CDH1: variants seen among roughly 807,000 people sequenced by gnomAD.
CDH1 encodes the protein cadherin-1.
In CDH1, 35 loss-of-function variants were observed where a neutral mutation model predicts 84.5. The observed-to-expected ratio is 0.41, with a 90% CI of 0.32 to 0.55. CDH1 has a LOEUF of 0.55. Among genes scored for constraint, CDH1 ranks in the 20% least tolerant of loss-of-function variants. The probability of loss-of-function intolerance (pLI) is 0.19; values close to 1 mark genes in which losing one functional copy is unlikely to be tolerated. For missense variants in CDH1, 994 were observed against 1,126.6 expected (o/e 0.88, Z 1.68); for synonymous variants, 417 against 439.0 (o/e 0.95, Z 0.63).
chr16:68,829,936 C>T (rs370691763), intron 15 of CDH1, 139 bp downstream of exon 15: 8 of 806,214 alleles, frequency 9.9e-6, no homozygotes, highest in Admixed American at 2.8e-5. Context: ...GCCCTGTTTT[C>T]CTTTTTCTTT....
intron 15 of CDH1, among the ~76,000 whole-genome samples, chr16:68,831,848 T>C (rs1473142887): frequency 6.6e-6 from 1 of 152,112 alleles, no homozygotes; most frequent in Admixed American, 6.5e-5. Flanking sequence ...TACAGACCCC[T>C]TTTAGATACA....
chr16:68,757,665 T>C (rs1438965921), intron 2 of CDH1, among the ~76,000 whole-genome samples: 1 of 152,172 alleles, frequency 6.6e-6, no homozygotes, highest in African/African-American at 2.4e-5. Flanking sequence ...TGCAGCAGGA[T>C]TGCCTGGATT....
intron 2 of CDH1, among the ~76,000 whole-genome samples, chr16:68,756,450 C>T (rs1963021694): frequency 6.6e-6 from 1 of 152,154 alleles, no homozygotes; most frequent in South Asian, 2.1e-4. Flanking sequence ...GTTGAATCAG[C>T]GGTGACATCA....
At chr16:68,806,972 A>T (rs1296232856) in intron 3 of CDH1, among the ~76,000 whole-genome samples, 2 of 152,226 alleles carry the variant, frequency 1.3e-5, no homozygotes, top group Non-Finnish European at 2.9e-5. Context: ...GCCAGAAAAT[A>T]GAGCTGAACT....
intron 2 of CDH1, among the ~76,000 whole-genome samples, chr16:68,768,786 T>G (rs1184579054): frequency 2.0e-5 from 3 of 152,132 alleles, no homozygotes; most frequent in Non-Finnish European, 2.9e-5. Flanking sequence ...AGAAGTAAGG[T>G]CTCTATTATT....
chr16:68,829,927 C>A, intron 15 of CDH1, 130 bp downstream of exon 15: 1 of 887,964 alleles, frequency 1.1e-6, no homozygotes, highest in Non-Finnish European at 1.7e-6. Flanking sequence ...AGCCCTGGAG[C>A]CCTGTTTTCC....
intron 2 of CDH1, among the ~76,000 whole-genome samples, chr16:68,764,763 C>T (rs147254962): frequency 6.6e-6 from 1 of 152,176 alleles, no homozygotes; most frequent in Non-Finnish European, 1.5e-5. Context: ...GGAGAGGAGA[C>T]CTTAGGTGGC....
chr16:68,753,205 TCA>T (rs1962929787), intron 2 of CDH1, among the ~76,000 whole-genome samples: 1 of 83,136 alleles, frequency 1.2e-5, no homozygotes, highest in Non-Finnish European at 2.1e-5. Flanking sequence ...AAAGCGAGAC[TCA>T]GTCTCAAAAA....
intron 2 of CDH1, among the ~76,000 whole-genome samples, chr16:68,773,240 A>T (rs1597865222): frequency 6.6e-6 from 1 of 151,524 alleles, no homozygotes; most frequent in Non-Finnish European, 1.5e-5. Context: ...TTGGTTGGAG[A>T]CAAAATTGCA....
chr16:68,769,349 TACTTCA>T (rs1471851526), intron 2 of CDH1, among the ~76,000 whole-genome samples: 4 of 152,364 alleles, frequency 2.6e-5, no homozygotes, highest in Admixed American at 2.6e-4. Context: ...TTGCTCTTCC[TACTTCA>T]ATGTCTGTTG....
At position 68,828,237 on chromosome 16, in the gene CDH1, C is replaced by G. The variant is rs2152141472; in HGVS notation, c.2228C>G (p.Pro743Arg). 6.2e-7 allele frequency: 1 copy of G among 1,613,906 alleles called. No individual in the cohort carries two copies. The highest frequency in any genetic ancestry group is 2.2e-5 in the East Asian group (1 of 44,874). ...GCGGTGGTCAAAGAGCCCTTACTGC[C>G]CCCAGAGGATGACACCCGGGACAAC... Reference protein sequence around the residue: ...RRAVVKEPLLPPEDDTRDNVY... With the variant: ...RRAVVKEPLLRPEDDTRDNVY... Residue 743 changes from proline (P) to arginine (R), a missense_variant, in exon 14 of 16, where the codon CCC (proline) becomes CGC (arginine). By Grantham distance (103) the Pro-to-Arg change is moderately radical (BLOSUM62 -2). Around this residue, in one of 3 missense-constraint regions of CDH1, gnomAD observed 769 missense variants for 881.8 expected, o/e 0.87. Transcript: ENST00000261769.
At chr16:68,782,577 G>A (rs181235077) in intron 2 of CDH1, among the ~76,000 whole-genome samples, 6 of 152,322 alleles carry the variant, frequency 3.9e-5, no homozygotes, top group African/African-American at 1.4e-4. Context: ...AGCGCTGACC[G>A]TTAGTGCTCT....
intron 13 of CDH1, among the ~76,000 whole-genome samples, chr16:68,827,711 C>T (rs1202830893): frequency 1.3e-5 from 2 of 152,082 alleles, no homozygotes; most frequent in Non-Finnish European, 2.9e-5. Context: ...AGCCAAAGTC[C>T]TCACAGTGGC....
At chr16:68,820,152 T>C (rs933857787) in intron 11 of CDH1, among the ~76,000 whole-genome samples, 2 of 151,740 alleles carry the variant, frequency 1.3e-5, no homozygotes, top group African/African-American at 2.4e-5. Context: ...TGAGCCAAGA[T>C]TGCGCCACTG....
chr16:68,805,372 G>A (rs1279455210), intron 3 of CDH1, among the ~76,000 whole-genome samples: 1 of 152,058 alleles, frequency 6.6e-6, no homozygotes, highest in Non-Finnish European at 1.5e-5. Context: ...TTTCAGGCAT[G>A]ACTCCCTTTC....
chr16:68,797,947 T>C (rs1196867511), intron 2 of CDH1, among the ~76,000 whole-genome samples: 1 of 151,686 alleles, frequency 6.6e-6, no homozygotes, highest in Non-Finnish European at 1.5e-5. Flanking sequence ...GGCGTGGTGG[T>C]GTGCACCTGT....
At position 68,835,495 on chromosome 16, in the gene CDH1, C is replaced by T. The variant is rs561200397; in HGVS notation, c.*1996C>T. 4.9e-5 allele frequency: 10 copies of T among 202,206 alleles called. No individual in the cohort carries two copies. Among genetic ancestry groups the T allele is most frequent in the African/African-American group, 2.1e-4 (9 of 43,712 alleles). The allele number at this position is 202,206 out of a possible 1,614,324, so 12.5% of individuals were successfully genotyped here. On this transcript the variant is annotated 3_prime_UTR_variant, in exon 16 of 16. Transcript: ENST00000261769. ...CAATTCAAGCTGAGAAAAGTATTCT[C>T]AAAGATGCATTTTTATAAATTTTAT...
chr16:68,825,574 A>G (rs974182893), intron 13 of CDH1, among the ~76,000 whole-genome samples: 15 of 152,070 alleles, frequency 9.9e-5, no homozygotes, highest in African/African-American at 3.4e-4. Context: ...TGTCCTCCCA[A>G]AGTTGAAGAA....
At chr16:68,790,148 A>G (rs533522720) in intron 2 of CDH1, among the ~76,000 whole-genome samples, 63 of 152,332 alleles carry the variant, frequency 4.1e-4, no homozygotes, top group Non-Finnish European at 8.2e-4. Flanking sequence ...ATTTTGGTGC[A>G]TGCTTTATTT....
Sources: gnomAD v4.1 joint callset for allele counts (sites outside exome capture counted in the v4.1 genomes callset) on GRCh38, gnomAD v4.1.1 for gene constraint, gnomAD v4.1.1 regional missense constraint, MANE v1.5 for transcripts, NCBI Gene and HGNC (gene_info 2026-07-23, HGNC 2026-07-21) for gene names.